Variants in CDYL observed in about 807,000 individuals in gnomAD.
CDYL encodes chromodomain Y like, also known as chromodomain Y-like protein.
CDYL carries 8 observed loss-of-function variants against 47.3 expected under a neutral mutation model. The observed-to-expected ratio is 0.17, with a 90% CI of 0.10 to 0.31. The LOEUF is 0.31. Ranked by LOEUF, CDYL falls within the 10% of genes least tolerant of loss-of-function variation. CDYL has a pLI of 1.00. For synonymous variants in CDYL, 266 were observed against 265.0 expected, an observed-to-expected ratio of 1.00 and a Z score of -0.04; for missense variants, 471 against 701.4, an observed-to-expected ratio of 0.67 and a Z score of 3.71.
intron 1 of CDYL, among the ~76,000 whole-genome samples, chr6:4,812,047 G>A (rs1216789793): frequency 2.6e-5 from 4 of 152,250 alleles, no homozygotes; most frequent in East Asian, 1.9e-4. Flanking sequence ...CTGAGGCACC[G>A]CCCCAATCCA....
chr6:4,790,808 T>A (rs1392175909), intron 1 of CDYL, among the ~76,000 whole-genome samples: 1 of 152,226 alleles, frequency 6.6e-6, no homozygotes, highest in Non-Finnish European at 1.5e-5. Flanking sequence ...TAATGCATCA[T>A]CATGGAAAGC....
intron 1 of CDYL, among the ~76,000 whole-genome samples, chr6:4,847,471 C>T (rs1166516710): frequency 6.6e-6 from 1 of 152,166 alleles, no homozygotes; most frequent in Non-Finnish European, 1.5e-5. Context: ...TGTGTGATAG[C>T]AGGGTCTAGG....
At chr6:4,949,501 T>C (rs1561726416) in intron 5 of CDYL, among the ~76,000 whole-genome samples, 1 of 152,222 alleles carries the variant, frequency 6.6e-6, no homozygotes, top group African/African-American at 2.4e-5. Context: ...TATTTAACTT[T>C]CCTCGGCATT....
chr6:4,892,352 G>A lies in CDYL; in HGVS notation c.664G>A (p.Ala222Thr). 1.9e-6 allele frequency: 3 copies of A among 1,612,980 alleles called. No individual in the cohort carries two copies. The highest frequency in any genetic ancestry group is 2.5e-6 in the Non-Finnish European group (3 of 1,179,430). The change falls in exon 2 of 7, where the codon GCC becomes ACC. Residue 222 changes from alanine (A) to threonine (T), a missense_variant. Ala to Thr is a moderately conservative substitution (Grantham distance 58). Transcript: ENST00000397588. ...GCCCGGCCCTGTGACTGCAGCCATG[G>A]CCACAGGCTTAGCTGTTAACGGGAA... Reference protein sequence around the residue: ...QVPGPVTAAMATGLAVNGKGT... With the variant: ...QVPGPVTAAMTTGLAVNGKGT...
At chr6:4,898,055 C>T (rs1762338260) in intron 2 of CDYL, among the ~76,000 whole-genome samples, 1 of 151,816 alleles carries the variant, frequency 6.6e-6, no homozygotes, top group African/African-American at 2.4e-5. Context: ...AAGACTGCGT[C>T]TCCACCAAAA....
chr6:4,877,743 A>T (rs1028573433), intron 1 of CDYL, among the ~76,000 whole-genome samples: 1 of 152,210 alleles, frequency 6.6e-6, no homozygotes, highest in African/African-American at 2.4e-5. Context: ...ATGATGTTAT[A>T]TCTTGAAATA....
intron 2 of CDYL, among the ~76,000 whole-genome samples, chr6:4,903,520 T>C (rs1229086692): frequency 6.6e-6 from 1 of 152,230 alleles, no homozygotes; most frequent in Non-Finnish European, 1.5e-5. Context: ...AAAGGGTTCA[T>C]TGAACTTCAA....
intron 1 of CDYL, chr6:4,714,095 G>C (rs938118773): frequency 6.6e-6 from 1 of 152,174 alleles, no homozygotes; most frequent in African/African-American, 2.4e-5. Flanking sequence ...CGAACACAGA[G>C]GGTTGGAGAG....
intron 2 of CDYL, among the ~76,000 whole-genome samples, chr6:4,900,774 C>CGG (rs1757004682): frequency 3.7e-5 from 1 of 26,954 alleles, no homozygotes; most frequent in Non-Finnish European, 6.6e-5. Flanking sequence ...ATTCCGTATA[C>CGG]GTGTGTATAT....
chr6:4,951,685 G>C (rs531611084), intron 5 of CDYL, among the ~76,000 whole-genome samples: 1 of 151,968 alleles, frequency 6.6e-6, no homozygotes, highest in Admixed American at 6.6e-5. Context: ...TCCAAGGTAC[G>C]CTCTAGCAGA....
At chr6:4,726,479 C>T (rs1207261797) in intron 2 of CDYL, among the ~76,000 whole-genome samples, 2 of 149,130 alleles carry the variant, frequency 1.3e-5, no homozygotes, top group Non-Finnish European at 3.0e-5. Flanking sequence ...TTGCAGTAAG[C>T]CAAGATCGCA....
At chr6:4,776,224 C>G (rs996445345), upstream of CDYL, among the ~76,000 whole-genome samples, 3 of 142,932 alleles carry the variant, frequency 2.1e-5, no homozygotes, top group South Asian at 2.2e-4. Context: ...GGCTCGCTCC[C>G]GGCCCCGCCG....
intron 1 of CDYL, among the ~76,000 whole-genome samples, chr6:4,778,191 G>A (rs112084882): frequency 0.026 from 3,984 of 152,208 alleles, 89 homozygotes; most frequent in Non-Finnish European, 0.04. Context: ...TCTGTACAGG[G>A]GGAAGTACAT....
chr6:4,728,187 C>T (rs1199702826), intron 2 of CDYL, among the ~76,000 whole-genome samples: 1 of 152,188 alleles, frequency 6.6e-6, no homozygotes, highest in Admixed American at 6.5e-5. Flanking sequence ...CTTCTTTTAT[C>T]TCTGGTCACA....
At chr6:4,879,988 G>A (rs1244082988) in intron 1 of CDYL, among the ~76,000 whole-genome samples, 1 of 152,112 alleles carries the variant, frequency 6.6e-6, no homozygotes, top group African/African-American at 2.4e-5. Context: ...CTCATTATCA[G>A]CATTCCCCAC....
chr6:4,706,782 G>A (rs1229410261), intron 1 of CDYL, among the ~76,000 whole-genome samples: 2 of 152,140 alleles, frequency 1.3e-5, no homozygotes, highest in Non-Finnish European at 2.9e-5. Flanking sequence ...GTGAGACACT[G>A]TCGTAAAATA....
intron 1 of CDYL, among the ~76,000 whole-genome samples, chr6:4,797,526 G>A (rs1467815584): frequency 6.6e-6 from 1 of 151,100 alleles, no homozygotes; most frequent in Non-Finnish European, 1.5e-5. Flanking sequence ...TTGTACAGCC[G>A]CCGCCACCAC....
chr6:4,870,879 G>A (rs555603277), intron 1 of CDYL, among the ~76,000 whole-genome samples: 9 of 152,006 alleles, frequency 5.9e-5, no homozygotes, highest in African/African-American at 9.7e-5. Flanking sequence ...AGTCATTGTC[G>A]TCATGTTTTC....
intron 2 of CDYL, among the ~76,000 whole-genome samples, chr6:4,924,704 A>G (rs1757814234): frequency 6.6e-6 from 1 of 152,206 alleles, no homozygotes; most frequent in African/African-American, 2.4e-5. Flanking sequence ...TCAACCAAAA[A>G]ATGAACGACT....
Sources: allele counts gnomAD v4.1 joint callset (sites outside exome capture counted in the v4.1 genomes callset), GRCh38; gene constraint gnomAD v4.1.1; transcripts MANE v1.5; gene names NCBI Gene and HGNC (gene_info 2026-07-23, HGNC 2026-07-21).